GGNBP2: variants seen among roughly 807,000 people sequenced by gnomAD.
GGNBP2 encodes the protein gametogenetin-binding protein 2.
GGNBP2 carries 10 observed loss-of-function variants against 85.9 expected under a neutral mutation model. That is an observed-to-expected ratio of 0.12 (90% confidence interval 0.07 to 0.20). The LOEUF (loss-of-function observed/expected upper bound fraction) is 0.20. Among genes scored for constraint, GGNBP2 ranks in the 10% least tolerant of loss-of-function variants. GGNBP2 has a pLI of 1.00. For synonymous variants in GGNBP2, 287 were observed against 285.7 expected (o/e 1.00, Z -0.05); for missense variants, 595 against 857.8 (o/e 0.69, Z 3.83).
chr17:36,581,042 C>T (rs867790102), intron 8 of GGNBP2, among the ~76,000 whole-genome samples: 5 of 151,742 alleles, frequency 3.3e-5, no homozygotes, highest in African/African-American at 7.3e-5. Context: ...CCCAGCACTT[C>T]GGGAGGCTGA....
chr17:36,562,920 G>A (rs1048276884), intron 5 of GGNBP2, among the ~76,000 whole-genome samples: 5 of 130,208 alleles, frequency 3.8e-5, no homozygotes, highest in African/African-American at 1.2e-4. Flanking sequence ...AGCTGAGATC[G>A]TGTCGCCTGG....
intron 6 of GGNBP2, chr17:36,575,017 C>A: frequency 6.6e-7 from 1 of 1,525,980 alleles, no homozygotes; most frequent in African/African-American, 1.4e-5. Context: ...CTGGCATAAT[C>A]TTCAAAACCT....
intron 8 of GGNBP2, among the ~76,000 whole-genome samples, chr17:36,580,217 T>C (rs2074633690): frequency 6.6e-6 from 1 of 150,978 alleles, no homozygotes; most frequent in African/African-American, 2.4e-5. Flanking sequence ...CTTTTCTTTT[T>C]TTTTTTTTGA....
intron 2 of GGNBP2, among the ~76,000 whole-genome samples, chr17:36,549,317 C>T (rs1177068732): frequency 2.0e-5 from 3 of 152,150 alleles, no homozygotes; most frequent in Non-Finnish European, 2.9e-5. Flanking sequence ...ATTCTCCTGC[C>T]TCAGCCTCCT....
intron 6 of GGNBP2, chr17:36,574,950 C>T (rs570544546): frequency 8.2e-6 from 11 of 1,336,966 alleles, no homozygotes; most frequent in East Asian, 4.9e-5. Flanking sequence ...TTGTAGTCCA[C>T]GATGGCAACA....
chr17:36,567,596 T>C (rs1273108815), intron 5 of GGNBP2, 67 bp from the exon 6 acceptor site: 1 of 762,738 alleles, frequency 1.3e-6, no homozygotes. Context: ...TTTAATCTGT[T>C]TTTTGTTTTT....
intron 7 of GGNBP2, 38 bp from the exon 8 acceptor site, chr17:36,579,207 A>T: frequency 6.4e-7 from 1 of 1,558,248 alleles, no homozygotes; most frequent in Non-Finnish European, 8.8e-7. Flanking sequence ...TTACTGTTTC[A>T]GTTAAAGGTA....
chr17:36,586,382 C>G, intron 12 of GGNBP2, 184 bp downstream of exon 12: 1 of 632,766 alleles, frequency 1.6e-6, no homozygotes, highest in Non-Finnish European at 2.7e-6. Flanking sequence ...GAGATGTGAT[C>G]ATTTGTGCAA....
At chr17:36,576,659 GTA>G (rs1249359830) in intron 6 of GGNBP2, 2 of 121,236 alleles carry the variant, frequency 1.6e-5, no homozygotes, top group East Asian at 2.6e-4. Context: ...GTATATATAT[GTA>G]TATATATGTG....
In GGNBP2 at chr17:36,586,181, C is replaced by T. The variant is rs373215163; in HGVS notation, c.1624C>T (p.Leu542=). 1.9e-6 allele frequency: 3 copies of T among 1,612,416 alleles called. No homozygotes were observed. Among genetic ancestry groups the T allele is most frequent in the African/African-American group, 2.7e-5 (2 of 74,850 alleles). Residue 542 remains leucine (L), a synonymous_variant, in exon 12 of 14, where the codon CTG becomes TTG. Transcript: ENST00000613102. ...NKKKKKKSKI[L]KCDEHIQKLG... ...AAAGAAGAAGAAGAAAAGCAAGATA[C>T]TGAAATGTGATGAACATGTAAGTGT...
chr17:36,574,306 C>T (rs1228371001), intron 6 of GGNBP2, among the ~76,000 whole-genome samples: 1 of 151,904 alleles, frequency 6.6e-6, no homozygotes, highest in Non-Finnish European at 1.5e-5. Context: ...ATGTATACTA[C>T]CTAGGTTTGT....
chr17:36,546,837 A>G (rs1599490235), intron 2 of GGNBP2: 1 of 151,376 alleles, frequency 6.6e-6, no homozygotes, highest in South Asian at 2.1e-4. Flanking sequence ...GTTCCTCAAT[A>G]TTTTTTTTTG....
At position 36,585,964 on chromosome 17, in the gene GGNBP2, C is replaced by T. The variant is rs752737740; in HGVS notation, c.1491C>T (p.His497=). 6.2e-7 allele frequency: 1 copy of T among 1,614,012 alleles called. No homozygotes were observed. The highest frequency in any genetic ancestry group is 1.1e-5 in the South Asian group (1 of 91,060). ...CTEGICNHDE[H]GDDSCVHHCE... ...AAGGCATTTGTAATCATGATGAACA[C>T]GGTAGGCTCACATTAAGTTTCCCAG... The change falls in exon 11 of 14, where the codon CAC becomes CAT. Residue 497 remains histidine (H), a splice_region_variant and synonymous_variant. Coordinates refer to ENST00000613102, the MANE Select transcript of GGNBP2 (RefSeq NM_024835.5).
At chr17:36,588,744 T>C (rs182951604) in intron 13 of GGNBP2, among the ~76,000 whole-genome samples, 7 of 152,134 alleles carry the variant, frequency 4.6e-5, no homozygotes, top group African/African-American at 1.7e-4. Flanking sequence ...GGATTACAGG[T>C]GTGAGCCACC....
chr17:36,574,210 T>G (rs2074554028), intron 6 of GGNBP2, among the ~76,000 whole-genome samples: 2 of 152,192 alleles, frequency 1.3e-5, no homozygotes, highest in Admixed American at 6.5e-5. Context: ...CATACTGCGT[T>G]GCAGATCAAG....
chr17:36,545,262 C>T (rs1391444186), intron 1 of GGNBP2, among the ~76,000 whole-genome samples, 165 bp downstream of exon 1: 1 of 152,104 alleles, frequency 6.6e-6, no homozygotes, highest in Non-Finnish European at 1.5e-5. Flanking sequence ...GCAGAGGGCA[C>T]CCGGGCGGCG....
intron 2 of GGNBP2, among the ~76,000 whole-genome samples, chr17:36,554,189 A>G (rs745688862): frequency 1.3e-5 from 2 of 151,110 alleles, no homozygotes; most frequent in South Asian, 4.2e-4. Context: ...GGTTCCTGTA[A>G]TCCCAGCTAC....
intron 8 of GGNBP2, among the ~76,000 whole-genome samples, chr17:36,580,903 A>G (rs915149814): frequency 6.6e-6 from 1 of 151,468 alleles, no homozygotes; most frequent in Non-Finnish European, 1.5e-5. Flanking sequence ...TGGGCGATGG[A>G]GCAAGACTCT....
intron 2 of GGNBP2, among the ~76,000 whole-genome samples, chr17:36,551,778 G>A (rs985670560): frequency 6.6e-6 from 1 of 151,890 alleles, no homozygotes; most frequent in Non-Finnish European, 1.5e-5. Flanking sequence ...GCAGTGAGTC[G>A]AGATTGAGCT....
Sources: allele counts gnomAD v4.1 joint callset (sites outside exome capture counted in the v4.1 genomes callset), GRCh38; gene constraint gnomAD v4.1.1; transcripts MANE v1.5; gene names NCBI Gene and HGNC (gene_info 2026-07-23, HGNC 2026-07-21).